Variants in ZBTB49 observed in about 807,000 individuals in gnomAD.
The protein encoded by ZBTB49 is zinc finger and BTB domain-containing protein 49.
A neutral mutation model predicts 57.5 loss-of-function variants in ZBTB49; 43 were observed. That is an observed-to-expected ratio of 0.75 (90% CI 0.59 to 0.97). The LOEUF (loss-of-function observed/expected upper bound fraction) is 0.97. Among genes scored for constraint, ZBTB49 ranks in the 50% least tolerant of loss-of-function variants. The pLI is 0.00. For synonymous variants in ZBTB49, 369 were observed against 362.1 expected (o/e 1.02, Z -0.22); for missense variants, 938 against 947.7 (o/e 0.99, Z 0.13).
intron 3 of ZBTB49, among the ~76,000 whole-genome samples, chr4:4,305,423 T>G (rs1720693230): frequency 6.6e-6 from 1 of 152,214 alleles, no homozygotes; most frequent in Non-Finnish European, 1.5e-5. Flanking sequence ...GTTATATAGA[T>G]TAAAGGCAGT....
At position 4,321,527 on chromosome 4, in the gene ZBTB49, G is replaced by A; in HGVS notation, c.*211G>A. 2 of 600,722 alleles carry A rather than the reference G, an allele frequency of 3.3e-6. No individual in the cohort carries two copies. Among genetic ancestry groups the A allele is most frequent in the Non-Finnish European group, 5.8e-6 (2 of 347,142 alleles). 37.2% of individuals were successfully genotyped at this position (600,722 alleles called of 1,614,324 possible). On this transcript the variant is annotated 3_prime_UTR_variant, in exon 8 of 8. Coordinates refer to ENST00000337872, the MANE Select transcript of ZBTB49 (RefSeq NM_145291.4). ...GGCTCACCGTGAGGCAGCCGCGGGAGGGAGCGCTGACGTCACAGAAGCGAA... is the reference window on the plus strand; with the variant it reads ...GGCTCACCGTGAGGCAGCCGCGGGAAGGAGCGCTGACGTCACAGAAGCGAA...
chr4:4,308,934 A>G (rs752043447), intron 4 of ZBTB49, among the ~76,000 whole-genome samples: 2 of 152,256 alleles, frequency 1.3e-5, no homozygotes, highest in Admixed American at 6.5e-5. Flanking sequence ...ACAAGCAGGC[A>G]CTGGGCAAGC....
rs973418204 is a variant in ZBTB49 at position 4,303,217 on chromosome 4, A to G, written c.1255+126A>G. 7.0e-6 allele frequency: 8 copies of G among 1,145,746 alleles called. No homozygotes were observed. In the South Asian group the frequency reaches 2.2e-4, roughly 32 times the overall value. 71.0% of individuals were successfully genotyped at this position (1,145,746 alleles called of 1,614,324 possible). On this transcript the variant is annotated intron_variant, in intron 3 of 7. Coordinates refer to ENST00000337872, the MANE Select transcript of ZBTB49 (RefSeq NM_145291.4). ...GATGTCATTGATGATTTTAAACAAA[A>G]TAAGGGGGATTAACTACTTTTTGTT...
intron 1 of ZBTB49, 117 bp from the exon 2 acceptor site, chr4:4,299,810 T>TGTGTGTGTGTGTGAGA (rs71169632): frequency 3.3e-6 from 2 of 607,802 alleles, no homozygotes; most frequent in African/African-American, 3.7e-5. Context: ...TGTGTGTGTG[T>TGTGTGTGTGTGTGAGA]GAGAGAGAAA....
At chr4:4,317,759 G>A (rs967666390) in intron 7 of ZBTB49, among the ~76,000 whole-genome samples, 4 of 152,034 alleles carry the variant, frequency 2.6e-5, no homozygotes, top group Admixed American at 2.0e-4. Flanking sequence ...GTGTGCTCTC[G>A]CTGTCTTATG....
intron 4 of ZBTB49, among the ~76,000 whole-genome samples, chr4:4,308,775 G>C (rs1320749459): frequency 6.6e-6 from 1 of 152,170 alleles, no homozygotes; most frequent in Admixed American, 6.5e-5. Context: ...GTAAATGATC[G>C]AGTACAGTGA....
chr4:4,309,781 C>G (rs1274414662), intron 4 of ZBTB49, among the ~76,000 whole-genome samples: 1 of 152,222 alleles, frequency 6.6e-6, no homozygotes. Context: ...ACTTAGTGAG[C>G]TTGGCCCAAG....
intron 1 of ZBTB49, 117 bp from the exon 2 acceptor site, chr4:4,299,810 T>TGTGTGA (rs71169632): frequency 2.8e-4 from 171 of 607,720 alleles, no homozygotes; most frequent in African/African-American, 2.2e-3. Context: ...TGTGTGTGTG[T>TGTGTGA]GAGAGAGAAA....
intron 1 of ZBTB49, among the ~76,000 whole-genome samples, chr4:4,291,078 GGT>G (rs1311489588): frequency 6.6e-6 from 1 of 152,202 alleles, no homozygotes. Flanking sequence ...TCACTCCCAA[GGT>G]GTGTGTATAT....
At chr4:4,315,532 C>T in intron 5 of ZBTB49, 104 bp from the exon 6 acceptor site, 3 of 1,096,524 alleles carry the variant, frequency 2.7e-6, no homozygotes, top group Non-Finnish European at 4.0e-6. Context: ...TTCCTTTCTG[C>T]AGCAGTGTCA....
In ZBTB49 at chr4:4,321,353, G is replaced by A; in HGVS notation, c.*37G>A. 2 of 1,595,216 alleles carry A rather than the reference G, an allele frequency of 1.3e-6. No individual in the cohort carries two copies. The highest frequency in any genetic ancestry group is 1.3e-5 in the African/African-American group (1 of 74,928). On this transcript the variant is annotated 3_prime_UTR_variant, in exon 8 of 8. Coordinates refer to ENST00000337872, the MANE Select transcript of ZBTB49 (RefSeq NM_145291.4). Reference sequence around the variant, plus strand: ...TCTCCACGGTAGAGGCGTGTTCTCAGTTTAGCAGGCTGGTGTTAAGGCTGT... The same window carrying A: ...TCTCCACGGTAGAGGCGTGTTCTCAATTTAGCAGGCTGGTGTTAAGGCTGT...
intron 1 of ZBTB49, among the ~76,000 whole-genome samples, chr4:4,296,141 G>A (rs1407013442): frequency 6.6e-6 from 1 of 152,232 alleles, no homozygotes; most frequent in African/African-American, 2.4e-5. Context: ...AAGAGAACCA[G>A]AAGAGTTCTG....
At chr4:4,312,093 T>C (rs1314521640) in intron 4 of ZBTB49, among the ~76,000 whole-genome samples, 1 of 152,262 alleles carries the variant, frequency 6.6e-6, no homozygotes, top group Non-Finnish European at 1.5e-5. Flanking sequence ...TTCTCGTTTT[T>C]CACTTATCTT....
Position 4,321,048 on chromosome 4 carries a change from T to A in ZBTB49, c.2030T>A (p.Leu677His), listed in dbSNP as rs1721394117. ...AAGCTGAGTTTGGATCCTGGTAAAC[T>A]TGCCAAGCCCCAGATGCAGCAGACA... ...QEKLSLDPGK[L>H]AKPQMQQTQP... Residue 677 changes from leucine (L) to histidine (H), a missense_variant, in exon 8 of 8, where the codon CTT becomes CAT. Transcript: ENST00000337872. The A allele has an allele frequency of 6.2e-7, 1 of 1,614,172 alleles. No individual in the cohort carries two copies. Among genetic ancestry groups the A allele is most frequent in the Admixed American group, 1.7e-5 (1 of 60,018 alleles).
At chr4:4,318,353 C>T (rs1232049359) in intron 7 of ZBTB49, among the ~76,000 whole-genome samples, 8 of 152,196 alleles carry the variant, frequency 5.3e-5, no homozygotes, top group South Asian at 4.1e-4. Context: ...TGGTGGCTCA[C>T]GCCTGTAATC....
chr4:4,295,720 G>A (rs191394753), intron 1 of ZBTB49, among the ~76,000 whole-genome samples: 1 of 152,244 alleles, frequency 6.6e-6, no homozygotes, highest in African/African-American at 2.4e-5. Flanking sequence ...CTTTGTCCCA[G>A]TTTTCTCTGA....
intron 1 of ZBTB49, among the ~76,000 whole-genome samples, chr4:4,298,651 A>G (rs1400623815): frequency 2.0e-5 from 3 of 152,164 alleles, no homozygotes; most frequent in East Asian, 3.9e-4. Flanking sequence ...ACTGATCTCG[A>G]ACTCCTGGAC....
chr4:4,321,522 C>T lies in ZBTB49; in HGVS notation c.*206C>T, dbSNP rs112501730. ...CTGCTGGCTCACCGTGAGGCAGCCG[C>T]GGGAGGGAGCGCTGACGTCACAGAA... On this transcript the variant is annotated 3_prime_UTR_variant, in exon 8 of 8. Transcript: ENST00000337872. 2.6e-4 allele frequency: 157 copies of T among 596,924 alleles called. 1 individual carries two copies. The highest frequency in any genetic ancestry group is 2.0e-3 in the African/African-American group (105 of 53,726). The allele number at this position is 596,924 out of a possible 1,614,324, so 37.0% of individuals were successfully genotyped here.
At position 4,321,345 on chromosome 4, in the gene ZBTB49, T is replaced by C; in HGVS notation, c.*29T>C. On this transcript the variant is annotated 3_prime_UTR_variant, in exon 8 of 8. Transcript: ENST00000337872. ...ACCGCGCTTCTCCACGGTAGAGGCG[T>C]GTTCTCAGTTTAGCAGGCTGGTGTT... 6.3e-7 allele frequency: 1 copy of C among 1,598,474 alleles called. No individual in the cohort carries two copies. The highest frequency in any genetic ancestry group is 1.1e-5 in the South Asian group (1 of 90,452).
Sources: allele counts gnomAD v4.1 joint callset (sites outside exome capture counted in the v4.1 genomes callset), GRCh38; gene constraint gnomAD v4.1.1; transcripts MANE v1.5; gene names NCBI Gene and HGNC (gene_info 2026-07-23, HGNC 2026-07-21).